Variants in ZFP64 observed in about 807,000 individuals in gnomAD.
ZFP64 encodes the protein ZFP64 zinc finger protein.
ZFP64 carries 14 observed loss-of-function variants against 51.6 expected under a neutral mutation model. The ratio of observed to expected loss-of-function variants is 0.27; its 90% CI spans 0.18 to 0.42. The LOEUF (loss-of-function observed/expected upper bound fraction) is 0.42, where lower values mean the gene tolerates loss of function less well. Among genes scored for constraint, ZFP64 ranks in the 10% least tolerant of loss-of-function variants. The pLI, the probability that ZFP64 is intolerant of heterozygous loss-of-function variation, is 1.00. For synonymous variants in ZFP64, 375 were observed against 361.4 expected, an observed-to-expected ratio of 1.04 and a Z score of -0.43; for missense variants, 754 against 906.8, an observed-to-expected ratio of 0.83 and a Z score of 2.16.
chr20:52,110,892 C>T lies in ZFP64; in HGVS notation c.764-12305G>A, dbSNP rs751775335. 2.2e-5 allele frequency: 35 copies of T among 1,610,108 alleles called. No individual in the cohort carries two copies. In the East Asian group the frequency reaches 5.3e-4, roughly 25 times the overall value. ...CCACCAAGAGATCATCGCTGGAAGC[C>T]GAGTTTTCAGCAAGACGCCTGAACT... On this transcript the variant is annotated intron_variant, in intron 5 of 8. Transcript: ENST00000361387.
chr20:52,176,505 C>CTCTCTTTTTTTTTTTTTT (rs1555810297), intron 2 of ZFP64, among the ~76,000 whole-genome samples: 2 of 136,732 alleles, frequency 1.5e-5, no homozygotes, highest in African/African-American at 5.5e-5. Flanking sequence ...TTCAATCTCT[C>CTCTCTTTTTTTTTTTTTT]TTTTTTTTTT....
intron 4 of ZFP64, among the ~76,000 whole-genome samples, chr20:52,161,131 C>G (rs1419182642): frequency 6.6e-6 from 1 of 152,156 alleles, no homozygotes; most frequent in Non-Finnish European, 1.5e-5. Flanking sequence ...CCTGTCCTAG[C>G]CTGCCTGCTC....
rs3035409 is a variant in ZFP64 at position 52,099,319 on chromosome 20, CTTTTTT to C, written c.764-738_764-733del. On this transcript the variant is annotated intron_variant, in intron 5 of 8. Coordinates refer to the ZFP64 transcript ENST00000361387. ...AGCTGGATGCCATGGCAATGTCAAA[CTTTTTT>C]TTTTTTTTTTAAGATGCTTACTCTG... is the stretch of plus-strand genomic sequence containing the variant. 2.4e-4 allele frequency among the ~76,000 whole-genome samples: 36 copies of C among 149,944 alleles called. 1 individual carries two copies. The highest frequency in any genetic ancestry group is 4.4e-4 in the African/African-American group (18 of 40,976).
chr20:52,181,846 A>G (rs1983636512), intron 2 of ZFP64, among the ~76,000 whole-genome samples: 1 of 152,210 alleles, frequency 6.6e-6, no homozygotes, highest in Admixed American at 6.5e-5. Flanking sequence ...AGTCAATGGA[A>G]ACTTGAAGCA....
chr20:52,135,730 C>T (rs1600739406), intron 5 of ZFP64, among the ~76,000 whole-genome samples: 1 of 151,992 alleles, frequency 6.6e-6, no homozygotes. Context: ...CTTAAGTGAT[C>T]CTCCTGCCTC....
intron 2 of ZFP64, among the ~76,000 whole-genome samples, chr20:52,167,257 G>T (rs1025873171): frequency 2.4e-4 from 37 of 151,988 alleles, no homozygotes; most frequent in Non-Finnish European, 2.9e-5. Flanking sequence ...CCTGGGAGGC[G>T]GGGGTTGCAG....
intron 5 of ZFP64, among the ~76,000 whole-genome samples, chr20:52,138,791 C>A (rs1980111359): frequency 6.6e-6 from 1 of 152,132 alleles, no homozygotes; most frequent in East Asian, 1.9e-4. Context: ...TTGAATAATT[C>A]ATAAAAATTT....
Position 52,152,573 on chromosome 20 carries a change from A to G in ZFP64, c.1619T>C (p.Leu540Pro), listed in dbSNP as rs998570041. ...NPEELPGNSRLQILRQVSLIA... is the reference protein window; with the variant it reads ...NPEELPGNSRPQILRQVSLIA... Reference sequence around the variant, plus strand: ...CAGACTGACCTGGCGCAGGATCTGCAGCCGGCTGTTCCCTGGGAGTTCCTC... The same window carrying G: ...CAGACTGACCTGGCGCAGGATCTGCGGCCGGCTGTTCCCTGGGAGTTCCTC... The change falls in exon 6 of 6, where the codon CTG becomes CCG. Residue 540 changes from leucine to proline, a missense_variant. Leu to Pro is a moderately conservative substitution (Grantham distance 98, BLOSUM62 -3). Around this residue, in one of 3 missense-constraint regions of ZFP64, gnomAD observed 428 missense variants for 472.4 expected, o/e 0.91. Transcript: ENST00000216923. 3.8e-6 allele frequency: 6 copies of G among 1,561,958 alleles called. No homozygotes were observed. Among genetic ancestry groups the G allele is most frequent in the Non-Finnish European group, 3.5e-6 (4 of 1,156,662 alleles).
intron 5 of ZFP64, among the ~76,000 whole-genome samples, chr20:52,101,381 T>A (rs1467286031): frequency 1.1e-4 from 1 of 9,196 alleles, no homozygotes; most frequent in Non-Finnish European, 2.2e-4. Context: ...GGACTTGCGA[T>A]TTTTTTTTGA....
At chr20:52,126,123 C>A (rs1979434767) in intron 5 of ZFP64, among the ~76,000 whole-genome samples, 1 of 152,126 alleles carries the variant, frequency 6.6e-6, no homozygotes, top group African/African-American at 2.4e-5. Context: ...GTCTCGAACT[C>A]TTGACCTCAG....
chr20:52,088,715 T>A (rs1374730539), intron 7 of ZFP64: 4 of 1,603,096 alleles, frequency 2.5e-6, no homozygotes, highest in Non-Finnish European at 3.4e-6. Context: ...ACCAAGATGA[T>A]AGCCTGGGCA....
chr20:52,175,855 CCCGCTGCCG>C, intron 2 of ZFP64: 44 of 234,224 alleles, frequency 1.9e-4, no homozygotes, highest in Non-Finnish European at 2.8e-4. Flanking sequence ...CCCCCGCACC[CCCGCTGCCG>C]CCCCCGCCCC....
chr20:52,170,254 C>A (rs887475993), intron 2 of ZFP64, among the ~76,000 whole-genome samples: 2 of 151,904 alleles, frequency 1.3e-5, no homozygotes, highest in East Asian at 1.9e-4. Flanking sequence ...GAGTTTGAGA[C>A]CAGCCTGGCC....
intron 5 of ZFP64, among the ~76,000 whole-genome samples, chr20:52,119,551 T>C (rs1226159862): frequency 1.1e-3 from 105 of 94,016 alleles, no homozygotes; most frequent in African/African-American, 4.4e-3. Flanking sequence ...TATATATATA[T>C]ATACATATAT....
chr20:52,135,624 C>T (rs1489075716), intron 5 of ZFP64, among the ~76,000 whole-genome samples: 1 of 152,060 alleles, frequency 6.6e-6, no homozygotes, highest in East Asian at 2.0e-4. Flanking sequence ...GAAGCCAGTA[C>T]TACAGGCATG....
chr20:52,159,247 G>A lies in ZFP64; in HGVS notation c.763+876C>T, dbSNP rs114098539. ...TGAATCATTATCTAACTGATACACC[G>A]AAAGAAAAAAGTATGTAATTTATTG... is the stretch of plus-strand genomic sequence containing the variant. On this transcript the variant is annotated intron_variant, in intron 5 of 5. Transcript: ENST00000216923. 1.8e-3 allele frequency among the ~76,000 whole-genome samples: 280 copies of A among 152,186 alleles called. 1 individual carries two copies. Among genetic ancestry groups the A allele is most frequent in the African/African-American group, 6.3e-3 (260 of 41,532 alleles).
chr20:52,088,689 T>C (rs1158189782), intron 7 of ZFP64: 1 of 1,611,360 alleles, frequency 6.2e-7, no homozygotes, highest in Admixed American at 1.7e-5. Flanking sequence ...TTGGTCAAGA[T>C]GGCTACAAAG....
chr20:52,139,091 G>A (rs889693804), intron 5 of ZFP64, among the ~76,000 whole-genome samples: 5 of 152,206 alleles, frequency 3.3e-5, no homozygotes, highest in Admixed American at 2.0e-4. Flanking sequence ...TTGTGGGAAT[G>A]TAACTTAGTT....
At chr20:52,105,979 A>C (rs1978312078) in intron 5 of ZFP64, among the ~76,000 whole-genome samples, 1 of 152,204 alleles carries the variant, frequency 6.6e-6, no homozygotes, top group African/African-American at 2.4e-5. Context: ...TTTAAATTTT[A>C]AATGAGGAGT....
Sources: gnomAD v4.1 joint callset for allele counts (sites outside exome capture counted in the v4.1 genomes callset) on GRCh38, gnomAD v4.1.1 for gene constraint, gnomAD v4.1.1 regional missense constraint, MANE v1.5 for transcripts, NCBI Gene and HGNC (gene_info 2026-07-23, HGNC 2026-07-21) for gene names.